The following TGM6 variants were observed in gnomAD, a reference collection of about 807,000 sequenced individuals.
The protein encoded by TGM6 is protein-glutamine gamma-glutamyltransferase 6.
Under a neutral mutation model 77.5 loss-of-function variants are expected in TGM6, and 74 were observed. The ratio of observed to expected loss-of-function variants is 0.96; its 90% CI spans 0.79 to 1.16. The LOEUF is 1.16. TGM6 is among the 50% of genes most tolerant of loss of function. The pLI, the probability that TGM6 is intolerant of heterozygous loss-of-function variation, is 0.00. For synonymous variants in TGM6, 383 were observed against 378.9 expected, an observed-to-expected ratio of 1.01 and a Z score of -0.12; for missense variants, 968 against 940.2, an observed-to-expected ratio of 1.03 and a Z score of -0.39.
At chr20:2,398,408 G>A (rs1399458518) in intron 5 of TGM6, among the ~76,000 whole-genome samples, 1 of 152,132 alleles carries the variant, frequency 6.6e-6, no homozygotes, top group African/African-American at 2.4e-5. Context: ...GAACTGGAAT[G>A]TCCAGGATGG....
At chr20:2,412,191 G>A (rs376365615) in intron 9 of TGM6, among the ~76,000 whole-genome samples, 2 of 152,258 alleles carry the variant, frequency 1.3e-5, no homozygotes, top group East Asian at 3.9e-4. Flanking sequence ...GAACACAGAA[G>A]AAACTTGAGG....
At chr20:2,387,452 G>A (rs1013208613) in intron 1 of TGM6, among the ~76,000 whole-genome samples, 23 of 152,228 alleles carry the variant, frequency 1.5e-4, no homozygotes, top group African/African-American at 5.1e-4. Flanking sequence ...AGGGGCTGTA[G>A]GAGCTCCCAA....
At chr20:2,414,944 G>GGGC (rs1344738303) in intron 9 of TGM6, among the ~76,000 whole-genome samples, 7,393 of 97,184 alleles carry the variant, frequency 0.076, 500 homozygotes, top group East Asian at 0.19. Context: ...TGGGGGGGGG[G>GGGC]GTGAAAAAAC....
At chr20:2,397,325 C>T (rs553540747) in intron 4 of TGM6, among the ~76,000 whole-genome samples, 2 of 152,140 alleles carry the variant, frequency 1.3e-5, no homozygotes, top group African/African-American at 2.4e-5. Context: ...TCCAGGTCCC[C>T]GGTGGAAGAA....
intron 1 of TGM6, among the ~76,000 whole-genome samples, chr20:2,383,127 G>C (rs118069771): frequency 6.6e-6 from 1 of 152,166 alleles, no homozygotes; most frequent in South Asian, 2.1e-4. Flanking sequence ...GGCAACTCTC[G>C]ATAAATCATT....
At chr20:2,428,768 C>G (rs1048341887) in intron 10 of TGM6, among the ~76,000 whole-genome samples, 1 of 151,986 alleles carries the variant, frequency 6.6e-6, no homozygotes, top group African/African-American at 2.4e-5. Flanking sequence ...TCTGTGAAAG[C>G]GCTTCCAAGT....
intron 4 of TGM6, 100 bp downstream of exon 4, chr20:2,396,724 A>AG: frequency 1.8e-6 from 2 of 1,094,928 alleles, no homozygotes; most frequent in Admixed American, 1.9e-5. Flanking sequence ...AGGAGGGACA[A>AG]GGGGGGCTCA....
At chr20:2,389,298 C>T (rs1356007981) in intron 1 of TGM6, among the ~76,000 whole-genome samples, 1 of 152,156 alleles carries the variant, frequency 6.6e-6, no homozygotes, top group Non-Finnish European at 1.5e-5. Flanking sequence ...AGTTAGTCAC[C>T]TTTAAAGTGG....
intron 1 of TGM6, among the ~76,000 whole-genome samples, chr20:2,383,695 A>G (rs1045990929): frequency 6.6e-6 from 1 of 152,226 alleles, no homozygotes; most frequent in Admixed American, 6.5e-5. Flanking sequence ...GGGGCCATAC[A>G]GTCGCTTAAG....
At chr20:2,400,662 A>T (rs2084702231) in intron 7 of TGM6, among the ~76,000 whole-genome samples, 1 of 126,256 alleles carries the variant, frequency 7.9e-6, no homozygotes, top group African/African-American at 3.0e-5. Context: ...AGAGGTCAGG[A>T]GGGGCCTCAA....
At chr20:2,390,358 T>G (rs1035960222) in intron 1 of TGM6, among the ~76,000 whole-genome samples, 1 of 152,290 alleles carries the variant, frequency 6.6e-6, no homozygotes, top group Non-Finnish European at 1.5e-5. Context: ...CATTTAAAAC[T>G]GTTTCTTATG....
At chr20:2,389,650 C>T (rs903611112) in intron 1 of TGM6, among the ~76,000 whole-genome samples, 2 of 152,088 alleles carry the variant, frequency 1.3e-5, no homozygotes, top group African/African-American at 4.8e-5. Context: ...AAATTGTATC[C>T]TAACTATAAT....
chr20:2,385,474 A>T (rs994576890), intron 1 of TGM6, among the ~76,000 whole-genome samples: 2 of 152,150 alleles, frequency 1.3e-5, no homozygotes, highest in African/African-American at 2.4e-5. Context: ...AAACCATCAG[A>T]TTCCTTCTGG....
intron 9 of TGM6, among the ~76,000 whole-genome samples, chr20:2,416,396 T>G (rs1168301716): frequency 1.3e-5 from 2 of 152,178 alleles, no homozygotes; most frequent in African/African-American, 2.4e-5. Flanking sequence ...GTCAAGACAA[T>G]TCAATGGAGA....
intron 1 of TGM6, among the ~76,000 whole-genome samples, chr20:2,391,100 C>T (rs1194723833): frequency 7.7e-6 from 1 of 129,836 alleles, no homozygotes; most frequent in South Asian, 2.2e-4. Context: ...CAGGATCCTT[C>T]TGGCTTCCAT....
rs371934763 is a variant in TGM6, at chr20:2,421,019, G to T, written c.1678+3446G>T. Reference sequence around the variant, plus strand: ...TTTTTATTTTTTGAGACAGAGTCTCGCTCCGTCACCAGGCTAGAGTGCAGT... The same window carrying T: ...TTTTTATTTTTTGAGACAGAGTCTCTCTCCGTCACCAGGCTAGAGTGCAGT... On this transcript the variant is annotated intron_variant, in intron 10 of 12. Coordinates refer to ENST00000202625, the MANE Select transcript of TGM6 (RefSeq NM_198994.3). Among the ~76,000 whole-genome samples, 3 of 151,584 alleles carry T rather than the reference G, an allele frequency of 2.0e-5. 1 individual carries two copies. Among genetic ancestry groups the T allele is most frequent in the African/African-American group, 7.3e-5 (3 of 41,212 alleles).
chr20:2,424,728 C>A (rs759679800), intron 10 of TGM6, among the ~76,000 whole-genome samples: 1 of 152,208 alleles, frequency 6.6e-6, no homozygotes, highest in African/African-American at 2.4e-5. Context: ...AGAGGCCTAG[C>A]TTTTGGCCCA....
chr20:2,382,264 G>C (rs1406287602), intron 1 of TGM6, among the ~76,000 whole-genome samples: 2 of 151,356 alleles, frequency 1.3e-5, no homozygotes, highest in Non-Finnish European at 2.9e-5. Context: ...GGATAGGTCT[G>C]TTCTGAAGAC....
At chr20:2,383,741 G>A (rs1011524369) in intron 1 of TGM6, among the ~76,000 whole-genome samples, 3 of 152,058 alleles carry the variant, frequency 2.0e-5, no homozygotes, top group South Asian at 2.1e-4. Context: ...AAGAAACCCC[G>A]TGCATGTAGG....
Sources: allele counts gnomAD v4.1 joint callset (sites outside exome capture counted in the v4.1 genomes callset), GRCh38; gene constraint gnomAD v4.1.1; transcripts MANE v1.5; gene names NCBI Gene and HGNC (gene_info 2026-07-23, HGNC 2026-07-21).